The following KLRG1 variants were observed in gnomAD, a reference collection of about 807,000 sequenced individuals.
The protein encoded by KLRG1 is killer cell lectin like receptor G1.
In KLRG1, 16 loss-of-function variants were observed where a neutral mutation model predicts 21.8. The ratio of observed to expected loss-of-function variants is 0.73; its 90% CI spans 0.50 to 1.11. The LOEUF (loss-of-function observed/expected upper bound fraction) is 1.11, where lower values mean the gene tolerates loss of function less well. Ranked by LOEUF, KLRG1 falls within the 50% of genes most tolerant of loss-of-function variation. The pLI is 0.00. For synonymous variants in KLRG1, 69 were observed against 75.9 expected, an observed-to-expected ratio of 0.91 and a Z score of 0.47; for missense variants, 173 against 218.3, an observed-to-expected ratio of 0.79 and a Z score of 1.31.
intron 2 of KLRG1, among the ~76,000 whole-genome samples, chr12:8,993,495 G>A (rs758360262): frequency 2.6e-4 from 39 of 151,918 alleles, no homozygotes; most frequent in Non-Finnish European, 4.3e-4. Context: ...TCACTATGTT[G>A]GCCAGGCTGG....
At chr12:9,002,910 T>TACACACACACACACACACACAC (rs59706974) in intron 3 of KLRG1, among the ~76,000 whole-genome samples, 1 of 144,618 alleles carries the variant, frequency 6.9e-6, no homozygotes, top group African/African-American at 2.6e-5. Context: ...CTCTTTCTAA[T>TACACACACACACACACACACAC]ACACACACAC....
chr12:9,187,868 G>C, the KLRG1 span, among the ~76,000 whole-genome samples: 1 of 152,174 alleles, frequency 6.6e-6, no homozygotes, highest in African/African-American at 2.4e-5. Context: ...CTTCAAGATG[G>C]AAAAAATGGC....
chr12:9,160,326 A>G, the KLRG1 span: 1 of 1,610,578 alleles, frequency 6.2e-7, no homozygotes, highest in Non-Finnish European at 8.5e-7. Context: ...GTGATGAGAT[A>G]GCCAACGGCC....
chr12:9,152,833 A>G, the KLRG1 span: 1 of 1,613,992 alleles, frequency 6.2e-7, no homozygotes, highest in East Asian at 2.2e-5. Context: ...CCTGATGGTC[A>G]GTGAGATCTG....
the KLRG1 span, chr12:9,093,669 A>G: frequency 4.0e-6 from 3 of 742,872 alleles, no homozygotes; most frequent in Non-Finnish European, 6.1e-6. Flanking sequence ...AAAAAAAACA[A>G]AAAACAAATC....
At chr12:9,112,907 G>A in the KLRG1 span, among the ~76,000 whole-genome samples, 2 of 152,186 alleles carry the variant, frequency 1.3e-5, no homozygotes, top group East Asian at 3.9e-4. Context: ...ACTGACACTA[G>A]GCTGTAAGCA....
chr12:8,964,968 G>A (rs991757999), intron 1 of KLRG1, among the ~76,000 whole-genome samples: 2 of 152,132 alleles, frequency 1.3e-5, no homozygotes, highest in African/African-American at 4.8e-5. Flanking sequence ...ACAGCACACT[G>A]ATGGGTCTTG....
At chr12:9,023,210 T>C in the KLRG1 span, among the ~76,000 whole-genome samples, 2 of 152,150 alleles carry the variant, frequency 1.3e-5, no homozygotes, top group Non-Finnish European at 2.9e-5. Flanking sequence ...TGGGATCTGA[T>C]GGTATCTCCA....
chr12:8,980,399 C>A (rs768280617), intron 1 of KLRG1, among the ~76,000 whole-genome samples: 11 of 152,162 alleles, frequency 7.2e-5, no homozygotes, highest in African/African-American at 2.4e-4. Context: ...ATCTCCATTT[C>A]TTTGGGTTTG....
At chr12:9,020,428 C>T in the KLRG1 span, among the ~76,000 whole-genome samples, 1 of 152,154 alleles carries the variant, frequency 6.6e-6, no homozygotes, top group Non-Finnish European at 1.5e-5. Context: ...ACACTCATTA[C>T]CCCCGGAATT....
At chr12:8,972,538 G>A (rs184745244) in intron 1 of KLRG1, among the ~76,000 whole-genome samples, 102 of 152,244 alleles carry the variant, frequency 6.7e-4, no homozygotes, top group Admixed American at 1.3e-3. Context: ...TAGATATCTG[G>A]TTTTCCCAAC....
the KLRG1 span, chr12:9,192,624 A>C: frequency 6.2e-7 from 1 of 1,614,044 alleles, no homozygotes; most frequent in East Asian, 2.2e-5. Flanking sequence ...CACAGGCTCC[A>C]GGTGAATGTA....
At chr12:8,998,561 C>T (rs1262616456) in intron 3 of KLRG1, among the ~76,000 whole-genome samples, 2 of 151,788 alleles carry the variant, frequency 1.3e-5, no homozygotes, top group African/African-American at 4.8e-5. Flanking sequence ...TGGTGGCGCA[C>T]ACCTGTGGTC....
the KLRG1 span, among the ~76,000 whole-genome samples, chr12:9,029,240 A>G: frequency 3.9e-5 from 6 of 151,922 alleles, no homozygotes; most frequent in African/African-American, 1.2e-4. Context: ...TTTTAGTTGG[A>G]GTTTCACTCT....
chr12:9,131,131 C>T, the KLRG1 span, among the ~76,000 whole-genome samples: 12 of 152,170 alleles, frequency 7.9e-5, no homozygotes, highest in East Asian at 2.3e-3. Flanking sequence ...TATTCTATTA[C>T]GATGGTTTAT....
the KLRG1 span, chr12:9,077,842 A>G: frequency 2.5e-6 from 4 of 1,614,034 alleles, no homozygotes; most frequent in Middle Eastern, 1.6e-4. Context: ...AAGTCTTCAG[A>G]ACAAAGGCTG....
chr12:9,078,054 C>T, the KLRG1 span, among the ~76,000 whole-genome samples: 3 of 152,098 alleles, frequency 2.0e-5, no homozygotes, highest in African/African-American at 7.2e-5. Flanking sequence ...CTCTCTTTGC[C>T]ACAGGGAGTC....
chr12:9,128,733 C>A, the KLRG1 span: 2 of 152,128 alleles, frequency 1.3e-5, no homozygotes, highest in African/African-American at 2.4e-5. Flanking sequence ...CTGGCTCTTC[C>A]CCTTACCTGC....
At chr12:9,106,413 C>T in the KLRG1 span, 7 of 1,436,020 alleles carry the variant, frequency 4.9e-6, no homozygotes, top group South Asian at 3.6e-5. Context: ...ATCACCTCCC[C>T]CCAACTTACA....
Sources: allele counts gnomAD v4.1 joint callset (sites outside exome capture counted in the v4.1 genomes callset), GRCh38; gene constraint gnomAD v4.1.1; transcripts MANE v1.5; gene names NCBI Gene and HGNC (gene_info 2026-07-23, HGNC 2026-07-21).